The following RXRG variants were observed in gnomAD, a reference collection of about 807,000 sequenced individuals.
RXRG encodes the protein retinoic acid receptor RXR-gamma.
Under a neutral mutation model 49.2 loss-of-function variants are expected in RXRG, and 19 were observed. The observed-to-expected ratio is 0.39, with a 90% CI of 0.27 to 0.57. RXRG has a LOEUF of 0.57. Among genes scored for constraint, RXRG ranks in the 20% least tolerant of loss-of-function variants. The pLI is 0.64. For synonymous variants in RXRG, 224 were observed against 216.6 expected, an observed-to-expected ratio of 1.03 and a Z score of -0.30; for missense variants, 452 against 592.5, an observed-to-expected ratio of 0.76 and a Z score of 2.46.
intron 9 of RXRG, among the ~76,000 whole-genome samples, chr1:165,403,045 ACACT>A (rs1303424675): frequency 1.1e-4 from 16 of 151,814 alleles, no homozygotes; most frequent in Admixed American, 2.6e-4. Flanking sequence ...ATACCCTCAC[ACACT>A]CACTCATACA....
intron 1 of RXRG, among the ~76,000 whole-genome samples, chr1:165,433,099 A>G (rs749733802): frequency 6.6e-6 from 1 of 151,802 alleles, no homozygotes; most frequent in Non-Finnish European, 1.5e-5. Context: ...CAATTTGTCC[A>G]TTTTTCCATA....
intron 6 of RXRG, 33 bp downstream of exon 6, chr1:165,410,669 G>C: frequency 1.9e-6 from 3 of 1,610,988 alleles, no homozygotes; most frequent in Non-Finnish European, 2.5e-6. Flanking sequence ...TTTCAAAATT[G>C]TCCCAGGAAA....
intron 9 of RXRG, among the ~76,000 whole-genome samples, chr1:165,403,470 G>T (rs1657649196): frequency 6.6e-6 from 1 of 152,148 alleles, no homozygotes; most frequent in South Asian, 2.1e-4. Context: ...ACATTTTAAA[G>T]AAATGTAGCA....
intron 1 of RXRG, among the ~76,000 whole-genome samples, chr1:165,439,473 C>G (rs1206910670): frequency 6.6e-6 from 1 of 152,250 alleles, no homozygotes; most frequent in Non-Finnish European, 1.5e-5. Flanking sequence ...GAAAGGCTAG[C>G]CAGCTGGTCC....
At chr1:165,427,747 C>T (rs1044540435) in intron 2 of RXRG, among the ~76,000 whole-genome samples, 6 of 152,274 alleles carry the variant, frequency 3.9e-5, no homozygotes, top group Admixed American at 1.3e-4. Context: ...CGGCCTGAAT[C>T]AGTCATGGTT....
chr1:165,444,022 C>T (rs1571294854), intron 1 of RXRG, among the ~76,000 whole-genome samples: 1 of 152,164 alleles, frequency 6.6e-6, no homozygotes, highest in South Asian at 2.1e-4. Flanking sequence ...GTTTCTGTCA[C>T]TAAATCAAGG....
intron 2 of RXRG, 32 bp downstream of exon 2, chr1:165,428,687 C>T (rs1398644865): frequency 6.4e-7 from 1 of 1,553,290 alleles, no homozygotes. Context: ...TGTAAGATGG[C>T]TGGAAAGGCC....
intron 2 of RXRG, among the ~76,000 whole-genome samples, chr1:165,420,513 A>C (rs1159629466): frequency 6.6e-6 from 1 of 152,220 alleles, no homozygotes; most frequent in Non-Finnish European, 1.5e-5. Context: ...AGAATGCCAG[A>C]CACTGTGCCA....
At chr1:165,425,624 A>C (rs10918179) in intron 2 of RXRG, among the ~76,000 whole-genome samples, 78,371 of 152,156 alleles carry the variant, frequency 0.52, 22,200 homozygotes, top group Middle Eastern at 0.65. Context: ...ATACATTATG[A>C]AGCATAGGGT....
intron 6 of RXRG, among the ~76,000 whole-genome samples, chr1:165,409,901 C>T (rs377541223): frequency 1.3e-5 from 2 of 152,058 alleles, no homozygotes; most frequent in African/African-American, 4.8e-5. Flanking sequence ...CACATCCCCC[C>T]ACTCTCTCTC....
chr1:165,407,934 G>A (rs1319325554), intron 8 of RXRG, among the ~76,000 whole-genome samples: 1 of 151,602 alleles, frequency 6.6e-6, no homozygotes, highest in African/African-American at 2.4e-5. Context: ...GCAAATCACA[G>A]TGGCTTTATC....
chr1:165,402,844 A>T (rs1250726436), intron 9 of RXRG, among the ~76,000 whole-genome samples: 1 of 152,094 alleles, frequency 6.6e-6, no homozygotes, highest in African/African-American at 2.4e-5. Context: ...CACTATATTC[A>T]TGCACATTAT....
chr1:165,442,822 G>C (rs558610455), intron 1 of RXRG, among the ~76,000 whole-genome samples: 1 of 152,310 alleles, frequency 6.6e-6, no homozygotes, highest in Non-Finnish European at 1.5e-5. Context: ...AGAGAAAGGT[G>C]CTAAGGCTCA....
intron 1 of RXRG, among the ~76,000 whole-genome samples, chr1:165,439,475 A>G (rs1473684696): frequency 6.6e-6 from 1 of 152,238 alleles, no homozygotes; most frequent in African/African-American, 2.4e-5. Flanking sequence ...AAGGCTAGCC[A>G]GCTGGTCCGA....
At chr1:165,404,859 A>G (rs940786145) in intron 9 of RXRG, among the ~76,000 whole-genome samples, 2 of 152,106 alleles carry the variant, frequency 1.3e-5, no homozygotes, top group African/African-American at 2.4e-5. Flanking sequence ...CCCCGGTTCA[A>G]GCGATTCTCC....
intron 9 of RXRG, among the ~76,000 whole-genome samples, chr1:165,401,697 GGAA>G (rs1385438480): frequency 2.0e-5 from 3 of 152,224 alleles, no homozygotes; most frequent in Non-Finnish European, 4.4e-5. Flanking sequence ...GTGGAGAAGA[GGAA>G]GAACTAGATG....
chr1:165,442,599 T>A (rs1478900143), intron 1 of RXRG, among the ~76,000 whole-genome samples: 2 of 152,242 alleles, frequency 1.3e-5, no homozygotes, highest in Non-Finnish European at 2.9e-5. Flanking sequence ...CTTTGTGGAT[T>A]TAATTTTATT....
In RXRG at chr1:165,409,633, C is replaced by T; in HGVS notation, c.971G>A (p.Gly324Asp). 1 of 1,579,130 alleles carries T rather than the reference C, an allele frequency of 6.3e-7. No individual in the cohort carries two copies. The highest frequency in any genetic ancestry group is 8.6e-7 in the Non-Finnish European group (1 of 1,162,618). Residue 324 changes from glycine to aspartate, a missense_variant, in exon 7 of 10, where the codon GGC becomes GAC. Transcript: ENST00000359842. ...ATGTAAACCCGTGGCCAGAAGGATG[C>T]CATCCTGCACGGAAACTGAGCGGTG... is the stretch of plus-strand genomic sequence containing the variant. ...FSHRSVSVQD[G>D]ILLATGLHVH...
intron 2 of RXRG, among the ~76,000 whole-genome samples, chr1:165,428,117 G>T (rs892323452): frequency 3.3e-5 from 5 of 152,054 alleles, no homozygotes; most frequent in Non-Finnish European, 7.4e-5. Context: ...TATAGGCTCT[G>T]CAGAGTAGCA....
Sources: gnomAD v4.1 joint callset for allele counts (sites outside exome capture counted in the v4.1 genomes callset) on GRCh38, gnomAD v4.1.1 for gene constraint, MANE v1.5 for transcripts, NCBI Gene and HGNC (gene_info 2026-07-23, HGNC 2026-07-21) for gene names.